Variants in ZFYVE9 observed in about 807,000 individuals in gnomAD.
The protein encoded by ZFYVE9 is zinc finger FYVE-type containing 9, also known as zinc finger FYVE domain-containing protein 9.
ZFYVE9 carries 43 observed loss-of-function variants against 126.7 expected under a neutral mutation model. That is an observed-to-expected ratio of 0.34 (90% CI 0.27 to 0.44). ZFYVE9 has a LOEUF of 0.44. Among genes scored for constraint, ZFYVE9 ranks in the 20% least tolerant of loss-of-function variants. The probability of loss-of-function intolerance (pLI) is 1.00; values close to 1 mark genes in which losing one functional copy is unlikely to be tolerated. For missense variants in ZFYVE9, 1,476 were observed against 1,697.0 expected (o/e 0.87, Z 2.29); for synonymous variants, 521 against 597.4 (o/e 0.87, Z 1.87).
At chr1:52,180,504 G>A in intron 1 of ZFYVE9, 1 of 802,108 alleles carries the variant, frequency 1.2e-6, no homozygotes, top group Non-Finnish European at 2.2e-6. Flanking sequence ...GCTGTCCTCA[G>A]TGCAATGCTC....
intron 4 of ZFYVE9, among the ~76,000 whole-genome samples, chr1:52,258,232 T>C (rs1645541788): frequency 6.6e-6 from 1 of 152,184 alleles, no homozygotes; most frequent in African/African-American, 2.4e-5. Flanking sequence ...GATAAAGATA[T>C]ATGGCATATG....
At chr1:52,306,942 A>G (rs557180688) in intron 13 of ZFYVE9, among the ~76,000 whole-genome samples, 82 of 152,304 alleles carry the variant, frequency 5.4e-4, no homozygotes, top group Non-Finnish European at 8.8e-4. Context: ...CCCTTGACAG[A>G]CATGGGATCC....
intron 13 of ZFYVE9, among the ~76,000 whole-genome samples, chr1:52,319,629 A>AG (rs1031153277): frequency 6.6e-6 from 1 of 150,730 alleles, no homozygotes; most frequent in Non-Finnish European, 1.5e-5. Flanking sequence ...TCTCAAAAAA[A>AG]AAATAAAATA....
intron 1 of ZFYVE9, among the ~76,000 whole-genome samples, chr1:52,187,215 G>T (rs1354554292): frequency 2.0e-5 from 3 of 152,164 alleles, no homozygotes; most frequent in Admixed American, 6.5e-5. Flanking sequence ...TAGCAATGGG[G>T]AAAGGACTGC....
intron 11 of ZFYVE9, among the ~76,000 whole-genome samples, chr1:52,295,482 C>T (rs1003532731): frequency 1.3e-5 from 2 of 152,010 alleles, no homozygotes; most frequent in Non-Finnish European, 2.9e-5. Context: ...CTCAGCCTCC[C>T]AAGTAGATGG....
chr1:52,272,592 G>A (rs1429178242), intron 7 of ZFYVE9, among the ~76,000 whole-genome samples: 2 of 150,064 alleles, frequency 1.3e-5, no homozygotes, highest in Non-Finnish European at 3.0e-5. Context: ...CATCATTTAT[G>A]TTATGTTCTC....
intron 1 of ZFYVE9, among the ~76,000 whole-genome samples, chr1:52,205,455 C>G (rs1003167205): frequency 6.6e-6 from 1 of 151,996 alleles, no homozygotes; most frequent in Non-Finnish European, 1.5e-5. Flanking sequence ...ACCTTGAACT[C>G]TGGGCTCAAG....
intron 4 of ZFYVE9, among the ~76,000 whole-genome samples, chr1:52,240,872 A>T (rs1260194358): frequency 1.3e-5 from 2 of 152,176 alleles, no homozygotes; most frequent in African/African-American, 4.8e-5. Context: ...GGGATTATCT[A>T]ATCAATCATG....
intron 4 of ZFYVE9, chr1:52,252,601 G>A (rs901686281): frequency 8.9e-6 from 2 of 225,138 alleles, no homozygotes; most frequent in South Asian, 9.3e-5. Context: ...CTCATGATAC[G>A]CCCACCTTGG....
At chr1:52,194,707 TTC>T (rs2124559948) in intron 1 of ZFYVE9, among the ~76,000 whole-genome samples, 1 of 152,236 alleles carries the variant, frequency 6.6e-6, no homozygotes, top group Non-Finnish European at 1.5e-5. Context: ...TGCACTACCT[TTC>T]TCTCAAACTT....
At chr1:52,152,713 G>T (rs938077799) in intron 1 of ZFYVE9, among the ~76,000 whole-genome samples, 1 of 152,130 alleles carries the variant, frequency 6.6e-6, no homozygotes, top group Non-Finnish European at 1.5e-5. Context: ...GTGATCTTGG[G>T]CAAGTTAATA....
In ZFYVE9 at chr1:52,344,296, C is replaced by T. The variant is rs1646465720; in HGVS notation, c.3940-472C>T. 2.0e-5 allele frequency among the ~76,000 whole-genome samples: 3 copies of T among 152,216 alleles called. No homozygotes were observed. In the South Asian group the frequency reaches 6.2e-4, roughly 32 times the overall value. On this transcript the variant is annotated intron_variant, in intron 17 of 18. Coordinates refer to ENST00000287727, the MANE Select transcript of ZFYVE9 (RefSeq NM_004799.4). ...TGCCAGGCTCAGCCTGGCTCTTCCT[C>T]TGTCTCTTAAATTCTTCTGTGCCCT...
intron 1 of ZFYVE9, among the ~76,000 whole-genome samples, chr1:52,167,881 A>G (rs1388561921): frequency 1.3e-5 from 2 of 152,240 alleles, no homozygotes; most frequent in Non-Finnish European, 2.9e-5. Flanking sequence ...AGATCCTGTG[A>G]GATGCTTGCA....
intron 11 of ZFYVE9, among the ~76,000 whole-genome samples, chr1:52,294,979 G>C (rs1187712701): frequency 2.0e-5 from 3 of 152,210 alleles, no homozygotes; most frequent in Non-Finnish European, 4.4e-5. Context: ...GGCCAAGGCA[G>C]GCAGATCATT....
chr1:52,161,762 A>G (rs549567955), intron 1 of ZFYVE9, among the ~76,000 whole-genome samples: 1 of 152,282 alleles, frequency 6.6e-6, no homozygotes, highest in Non-Finnish European at 1.5e-5. Flanking sequence ...TGACTGTTCC[A>G]TGCCACCCCA....
At chr1:52,200,605 G>C (rs1011613559) in intron 1 of ZFYVE9, among the ~76,000 whole-genome samples, 1 of 152,084 alleles carries the variant, frequency 6.6e-6, no homozygotes, top group Non-Finnish European at 1.5e-5. Flanking sequence ...ATTTTCTACT[G>C]TTATCTTCTA....
chr1:52,179,849 C>G (rs987280601), intron 1 of ZFYVE9: 2 of 670,272 alleles, frequency 3.0e-6, no homozygotes, highest in African/African-American at 1.8e-5. Flanking sequence ...AAACAAGATG[C>G]AGGACCCCAA....
At position 52,239,532 on chromosome 1, in the gene ZFYVE9, C is replaced by T; in HGVS notation, c.2115C>T (p.Cys705=). 1.2e-6 allele frequency: 2 copies of T among 1,614,104 alleles called. No individual in the cohort carries two copies. Among genetic ancestry groups the T allele is most frequent in the South Asian group, 2.2e-5 (2 of 91,076 alleles). Residue 705 remains cysteine, a synonymous_variant, in exon 4 of 19, where the codon TGC becomes TGT. Coordinates refer to ENST00000287727, the MANE Select transcript of ZFYVE9 (RefSeq NM_004799.4). ...VWVPDSQAPN[C]MKCEARFTFT... is the part of the protein sequence containing the mutation. ...TACCGGATTCTCAGGCTCCAAATTG[C>T]ATGAAATGTGAAGCCAGGTTTACAT...
At chr1:52,215,907 G>A (rs1273067787) in intron 1 of ZFYVE9, among the ~76,000 whole-genome samples, 1 of 152,126 alleles carries the variant, frequency 6.6e-6, no homozygotes, top group Non-Finnish European at 1.5e-5. Flanking sequence ...AAAAAAAACA[G>A]TTTGGCAATA....
Sources: allele counts gnomAD v4.1 joint callset (sites outside exome capture counted in the v4.1 genomes callset), GRCh38; gene constraint gnomAD v4.1.1; transcripts MANE v1.5; gene names NCBI Gene and HGNC (gene_info 2026-07-23, HGNC 2026-07-21).